The following DCDC1 variants were observed in gnomAD, a reference collection of about 807,000 sequenced individuals.
DCDC1 encodes the protein doublecortin domain containing 1.
DCDC1 carries 200 observed loss-of-function variants against 178.3 expected under a neutral mutation model. The observed-to-expected ratio is 1.12, with a 90% confidence interval of 1.00 to 1.26. DCDC1 has a LOEUF of 1.26. Among genes scored for constraint, DCDC1 ranks in the 50% most tolerant of loss-of-function variants. The probability of loss-of-function intolerance (pLI) is 0.00; values close to 1 mark genes in which losing one functional copy is unlikely to be tolerated. For missense variants in DCDC1, 1,983 were observed against 1,749.2 expected (o/e 1.13, Z -2.38); for synonymous variants, 690 against 604.8 (o/e 1.14, Z -2.07).
intron 20 of DCDC1, among the ~76,000 whole-genome samples, chr11:31,011,707 A>G (rs1387547271): frequency 6.6e-6 from 1 of 152,244 alleles, no homozygotes; most frequent in Non-Finnish European, 1.5e-5. Context: ...TATTCATAGT[A>G]ATTCCACCTC....
chr11:30,885,863 A>T (rs1396464520), intron 36 of DCDC1, among the ~76,000 whole-genome samples: 1 of 152,146 alleles, frequency 6.6e-6, no homozygotes, highest in African/African-American at 2.4e-5. Context: ...GAAAATAATC[A>T]GAAAATAAAT....
At chr11:31,142,676 T>C (rs1591195251) in intron 9 of DCDC1, among the ~76,000 whole-genome samples, 1 of 152,268 alleles carries the variant, frequency 6.6e-6, no homozygotes, top group East Asian at 1.9e-4. Flanking sequence ...ATTTAAATGT[T>C]TTTTAAATTC....
chr11:30,914,708 T>C (rs1945708373), intron 27 of DCDC1, among the ~76,000 whole-genome samples: 1 of 151,512 alleles, frequency 6.6e-6, no homozygotes, highest in South Asian at 2.1e-4. Flanking sequence ...GCCATCAACA[T>C]TCTGCCATTC....
At chr11:31,250,955 A>G (rs549082121) in intron 8 of DCDC1, among the ~76,000 whole-genome samples, 1 of 152,084 alleles carries the variant, frequency 6.6e-6, no homozygotes, top group African/African-American at 2.4e-5. Context: ...GGGTTTCACC[A>G]TGTTGGCCAG....
chr11:31,037,426 TTC>T (rs1198633152), intron 20 of DCDC1, among the ~76,000 whole-genome samples: 2 of 46,636 alleles, frequency 4.3e-5, no homozygotes, highest in African/African-American at 1.2e-4. Flanking sequence ...CTCTAAATAT[TTC>T]TTTCTTTTTT....
intron 11 of DCDC1, among the ~76,000 whole-genome samples, chr11:31,111,823 GTC>G (rs1183378776): frequency 2.0e-5 from 3 of 152,254 alleles, no homozygotes; most frequent in African/African-American, 7.2e-5. Flanking sequence ...ATGTTCCTTT[GTC>G]GAGACTTGCT....
intron 38 of DCDC1, among the ~76,000 whole-genome samples, chr11:30,866,247 T>C (rs1244457367): frequency 6.6e-6 from 1 of 152,158 alleles, no homozygotes; most frequent in South Asian, 2.1e-4. Flanking sequence ...TGAAATAACA[T>C]AGACTGGGTA....
chr11:30,885,682 C>T (rs1295783803), intron 36 of DCDC1, among the ~76,000 whole-genome samples: 2 of 152,052 alleles, frequency 1.3e-5, no homozygotes, highest in Non-Finnish European at 2.9e-5. Flanking sequence ...TGTTGCAGTG[C>T]TGTTGATATC....
intron 20 of DCDC1, among the ~76,000 whole-genome samples, chr11:30,982,512 A>G (rs1950439946): frequency 6.6e-6 from 1 of 152,216 alleles, no homozygotes; most frequent in Admixed American, 6.6e-5. Context: ...TTAGGAATTA[A>G]TTGCAGGCTT....
In DCDC1 at chr11:31,089,617, T is replaced by TTC. The variant is rs1565268545; in HGVS notation, c.2237+1775_2237+1776insGA. Among the ~76,000 whole-genome samples the TTC allele has an allele frequency of 1.4e-4, 22 of 152,054 alleles. No individual in the cohort carries two copies. In the South Asian group the frequency reaches 4.2e-3, roughly 29 times the overall value. ...CATCTCACTGATGCTCCGTTCTTTT[T>TTC]TTTTTTTTTGAAGTATTTGTTTTCT... On this transcript the variant is annotated intron_variant, in intron 17 of 38. Coordinates refer to ENST00000684477, the MANE Select transcript of DCDC1 (RefSeq NM_001387274.1).
chr11:30,963,362 A>G (rs16921616), intron 20 of DCDC1, among the ~76,000 whole-genome samples: 3,339 of 152,226 alleles, frequency 0.022, 129 homozygotes, highest in African/African-American at 0.074. Context: ...TAAAGTGCTT[A>G]AAGTCCATAT....
rs186163274 is a variant in DCDC1, at chr11:31,081,541, C to G, written c.2238-3616G>C. 2.1e-3 allele frequency among the ~76,000 whole-genome samples: 320 copies of G among 151,788 alleles called. 2 individuals are homozygous for G. Among genetic ancestry groups the G allele is most frequent in the Non-Finnish European group, 3.6e-3 (244 of 67,936 alleles). On this transcript the variant is annotated intron_variant, in intron 17 of 38. Coordinates refer to ENST00000684477, the MANE Select transcript of DCDC1 (RefSeq NM_001387274.1). ...AGGAGAATCGCTTGAACCCAGGAGGCGGAGGTTGCGGTGAGCCAAGATCAT... is the reference window on the plus strand; with the variant it reads ...AGGAGAATCGCTTGAACCCAGGAGGGGGAGGTTGCGGTGAGCCAAGATCAT...
chr11:30,895,409 G>C (rs1408766643), intron 34 of DCDC1, among the ~76,000 whole-genome samples: 1 of 152,170 alleles, frequency 6.6e-6, no homozygotes, highest in African/African-American at 2.4e-5. Flanking sequence ...AGGCTTCTTA[G>C]AGAGAGTAAC....
intron 9 of DCDC1, among the ~76,000 whole-genome samples, chr11:31,235,220 C>G (rs1366697556): frequency 6.6e-6 from 1 of 151,756 alleles, no homozygotes; most frequent in Admixed American, 6.6e-5. Flanking sequence ...TAATCATTTC[C>G]ATTTTTTACA....
intron 9 of DCDC1, among the ~76,000 whole-genome samples, chr11:31,171,646 C>T (rs890224615): frequency 1.3e-5 from 2 of 152,152 alleles, no homozygotes; most frequent in Non-Finnish European, 2.9e-5. Flanking sequence ...TCATTATTTC[C>T]TTAATGATTA....
intron 12 of DCDC1, among the ~76,000 whole-genome samples, chr11:31,108,123 A>T (rs1019519349): frequency 6.6e-6 from 1 of 152,332 alleles, no homozygotes. Flanking sequence ...TCTTTTGACC[A>T]GAAACTGCAT....
chr11:31,132,842 T>C (rs1451947363), intron 10 of DCDC1, among the ~76,000 whole-genome samples: 1 of 152,128 alleles, frequency 6.6e-6, no homozygotes, highest in Admixed American at 6.5e-5. Flanking sequence ...TGTACAGAAT[T>C]TGGGAGAGTG....
intron 32 of DCDC1, among the ~76,000 whole-genome samples, chr11:30,903,036 G>A (rs1944809569): frequency 6.6e-6 from 1 of 152,112 alleles, no homozygotes; most frequent in Non-Finnish European, 1.5e-5. Flanking sequence ...TTGAATGACA[G>A]TAAAAGCATA....
chr11:31,345,823 A>G (rs747311019), intron 1 of DCDC1, among the ~76,000 whole-genome samples: 3 of 152,188 alleles, frequency 2.0e-5, no homozygotes, highest in Non-Finnish European at 4.4e-5. Flanking sequence ...ATCATAGCTA[A>G]TAAATATAGA....
Sources: gnomAD v4.1 joint callset for allele counts (sites outside exome capture counted in the v4.1 genomes callset) on GRCh38, gnomAD v4.1.1 for gene constraint, MANE v1.5 for transcripts, NCBI Gene and HGNC (gene_info 2026-07-23, HGNC 2026-07-21) for gene names.